Variants in CASP10 observed in about 807,000 individuals in gnomAD.
CASP10 encodes caspase-10.
In CASP10, 41 loss-of-function variants were observed where a neutral mutation model predicts 48.5. The observed-to-expected ratio is 0.85, with a 90% CI of 0.66 to 1.10. The LOEUF is 1.10. Among genes scored for constraint, CASP10 ranks in the 50% least tolerant of loss-of-function variants. The pLI is 0.00. For missense variants in CASP10, 614 were observed against 614.5 expected (o/e 1.00, Z 0.01); for synonymous variants, 232 against 238.4 (o/e 0.97, Z 0.25).
chr2:201,210,445 A>G (rs746128949), intron 9 of CASP10, among the ~76,000 whole-genome samples: 1 of 152,228 alleles, frequency 6.6e-6, no homozygotes, highest in Non-Finnish European at 1.5e-5. Flanking sequence ...TCTCATTAAC[A>G]TCCCGCTAGA....
At chr2:201,195,764 G>A (rs773188973) in intron 4 of CASP10, 78 bp from the exon 5 acceptor site, 61 of 1,115,302 alleles carry the variant, frequency 5.5e-5, no homozygotes, top group Non-Finnish European at 7.8e-5. Flanking sequence ...TGCAACCTCC[G>A]CCTCCTGGGT....
chr2:201,191,135 T>C (rs1171266951), intron 3 of CASP10, among the ~76,000 whole-genome samples: 5 of 152,150 alleles, frequency 3.3e-5, no homozygotes, highest in African/African-American at 1.2e-4. Context: ...GTGTTGGGAT[T>C]ACAGGTATGA....
At chr2:201,211,849 G>A (rs932850801) in intron 9 of CASP10, among the ~76,000 whole-genome samples, 1 of 152,140 alleles carries the variant, frequency 6.6e-6, no homozygotes, top group South Asian at 2.1e-4. Flanking sequence ...GTGTGTAAGT[G>A]TTCCCTTTTC....
At chr2:201,205,232 T>TC (rs1414895171) in intron 6 of CASP10, among the ~76,000 whole-genome samples, 1 of 150,918 alleles carries the variant, frequency 6.6e-6, no homozygotes, top group African/African-American at 2.4e-5. Context: ...TCTTTTCTTT[T>TC]TTTTTTTTTT....
rs879450189 is a variant in CASP10, at chr2:201,206,128, T to C, written c.813+155T>C. On this transcript the variant is annotated intron_variant, in intron 7 of 9. Coordinates refer to ENST00000286186, the MANE Select transcript of CASP10 (RefSeq NM_032977.4). ...TTTGTTTCAGACTTGTTTCTCCCTC[T>C]CTCTGTAATTATCTCTGTTCTTCCC... The C allele has an allele frequency of 5.5e-5, 32 of 581,644 alleles. No individual in the cohort carries two copies. The Middle Eastern group carries it at 1.4e-3, about 26-fold the overall frequency. 36.0% of individuals were successfully genotyped at this position (581,644 alleles called of 1,614,324 possible). A position where few individuals can be genotyped will look rare whatever the true frequency, so the allele number is the denominator to read the frequency against.
At chr2:201,186,853 A>C (rs1264329046) in intron 2 of CASP10, among the ~76,000 whole-genome samples, 2 of 151,972 alleles carry the variant, frequency 1.3e-5, no homozygotes, top group African/African-American at 4.8e-5. Context: ...CACCTGGCTA[A>C]TTTTTGTATT....
chr2:201,201,786 T>C (rs1230679723), intron 5 of CASP10, among the ~76,000 whole-genome samples: 4 of 152,208 alleles, frequency 2.6e-5, no homozygotes, highest in African/African-American at 7.2e-5. Context: ...ATCTCATGTT[T>C]CTTAAGCACC....
At chr2:201,208,262 T>C (rs1414799908) in intron 8 of CASP10, 79 bp downstream of exon 8, 1 of 1,527,004 alleles carries the variant, frequency 6.5e-7, no homozygotes, top group Non-Finnish European at 8.8e-7. Flanking sequence ...TTTCTTTCTG[T>C]GACTTTTATC....
intron 5 of CASP10, chr2:201,200,451 T>G (rs564864487): frequency 1.4e-5 from 22 of 1,598,104 alleles, no homozygotes; most frequent in Non-Finnish European, 1.7e-5. Context: ...AGGAAGGTGT[T>G]TTTGTTTTTT....
At chr2:201,215,738 G>T (rs1317298120) in intron 9 of CASP10, among the ~76,000 whole-genome samples, 1 of 152,022 alleles carries the variant, frequency 6.6e-6, no homozygotes, top group Non-Finnish European at 1.5e-5. Context: ...ACTATTTGGG[G>T]TCTTTTGTGG....
At chr2:201,205,371 A>C (rs1267968129) in intron 6 of CASP10, among the ~76,000 whole-genome samples, 1 of 151,254 alleles carries the variant, frequency 6.6e-6, no homozygotes, top group African/African-American at 2.4e-5. Flanking sequence ...ACTACAGGCA[A>C]TGTGTCACCA....
chr2:201,193,438 C>A, intron 4 of CASP10: 1 of 342,582 alleles, frequency 2.9e-6, no homozygotes, highest in South Asian at 2.3e-5. Context: ...GAACTCCTGA[C>A]CTCAAGTGAT....
At position 201,205,949 on chromosome 2, in the gene CASP10, T is replaced by C. The variant is rs532602601; in HGVS notation, c.789T>C (p.Thr263=). The change falls in exon 7 of 10, where the codon ACT becomes ACC. Residue 263 remains threonine, a synonymous_variant. Coordinates refer to ENST00000286186, the MANE Select transcript of CASP10 (RefSeq NM_032977.4). ...GGATGCAAGGAGCATCTGCTAACAC[T>C]CTAAACTCTGAAACCAGCACAAAGG... ...SRGMQGASAN[T]LNSETSTKRA... The C allele has an allele frequency of 2.3e-5, 37 of 1,612,738 alleles. No individual in the cohort carries two copies. The African/African-American group carries it at 4.4e-4, about 19-fold the overall frequency.
intron 7 of CASP10, among the ~76,000 whole-genome samples, chr2:201,206,889 G>A (rs546303237): frequency 6.6e-6 from 1 of 152,176 alleles, no homozygotes; most frequent in East Asian, 1.9e-4. Context: ...CTTCATTCAT[G>A]TTGCTAATAT....
Position 201,185,764 on chromosome 2 carries a change from C to T in CASP10, c.-7-7C>T. 1 of 1,595,374 alleles carries T rather than the reference C, an allele frequency of 6.3e-7. No homozygotes were observed. Reference sequence around the variant, plus strand: ...AACTCCCTGCCCCACCTCTCTGTCCCTTTCAGGCTGGCCATGAAATCTCAA... The same window carrying T: ...AACTCCCTGCCCCACCTCTCTGTCCTTTTCAGGCTGGCCATGAAATCTCAA... On this transcript the variant is annotated splice_region_variant and splice_polypyrimidine_tract_variant and intron_variant, in intron 1 of 9. Coordinates refer to ENST00000286186, the MANE Select transcript of CASP10 (RefSeq NM_032977.4).
At chr2:201,205,208 T>TTTTTC (rs375997234) in intron 6 of CASP10, among the ~76,000 whole-genome samples, 8 of 151,420 alleles carry the variant, frequency 5.3e-5, no homozygotes, top group Non-Finnish European at 7.4e-5. Flanking sequence ...TTTCCCCTCT[T>TTTTTC]TTTTCTTTTC....
chr2:201,191,445 T>G (rs976294974), intron 3 of CASP10, among the ~76,000 whole-genome samples: 1 of 152,108 alleles, frequency 6.6e-6, no homozygotes. Flanking sequence ...GTGGCTGAGT[T>G]ACACACCTCA....
chr2:201,194,915 A>G (rs548225955), intron 4 of CASP10, among the ~76,000 whole-genome samples: 1 of 151,962 alleles, frequency 6.6e-6, no homozygotes, highest in African/African-American at 2.4e-5. Context: ...AGTAGCTGGG[A>G]CTACAAGCGC....
chr2:201,216,422 A>T (rs1412475769), intron 9 of CASP10, among the ~76,000 whole-genome samples: 1 of 152,090 alleles, frequency 6.6e-6, no homozygotes, highest in Non-Finnish European at 1.5e-5. Context: ...AAATCAAAAC[A>T]GGATAATGGT....
Sources: allele counts gnomAD v4.1 joint callset (sites outside exome capture counted in the v4.1 genomes callset), GRCh38; gene constraint gnomAD v4.1.1; transcripts MANE v1.5; gene names NCBI Gene and HGNC (gene_info 2026-07-23, HGNC 2026-07-21).